The following FGF14 variants were observed in gnomAD, a reference collection of about 807,000 sequenced individuals.
The protein encoded by FGF14 is fibroblast growth factor homologous factor 4.
Under a neutral mutation model 25.5 loss-of-function variants are expected in FGF14, and 5 were observed. That is an observed-to-expected ratio of 0.20 (90% confidence interval 0.10 to 0.41). The LOEUF (loss-of-function observed/expected upper bound fraction) is 0.41, where lower values mean the gene tolerates loss of function less well. FGF14 is among the 10% of genes least tolerant of loss of function. FGF14 has a pLI of 1.00. For synonymous variants in FGF14, 138 were observed against 118.3 expected (o/e 1.17, Z -1.08); for missense variants, 222 against 320.1 (o/e 0.69, Z 2.34).
chr13:102,256,225 C>T (rs2052429799), intron 1 of FGF14, among the ~76,000 whole-genome samples: 1 of 152,050 alleles, frequency 6.6e-6, no homozygotes, highest in Non-Finnish European at 1.5e-5. Context: ...AAGTAGCTAA[C>T]ATGCCAGGCA....
rs537777782 is a variant in FGF14 at position 102,136,177 on chromosome 13, T to C, written c.209-260881A>G. Among the ~76,000 whole-genome samples, 40 of 152,248 alleles carry C rather than the reference T, an allele frequency of 2.6e-4. 1 individual carries two copies. Among genetic ancestry groups the C allele is most frequent in the African/African-American group, 9.6e-4 (40 of 41,538 alleles). On this transcript the variant is annotated intron_variant, in intron 1 of 4. Transcript: ENST00000376131. ...TTACACCTTAACAATAAAAATATTA[T>C]TCATATCTAGAATGCAAACACTGAT...
chr13:102,217,489 C>A lies in FGF14; in HGVS notation c.208+183982G>T, dbSNP rs184141847. ...CTCAATTTACTATTAGCTAAAAAAT[C>A]ATTTTTATATTTTAAAAGATCATTT... On this transcript the variant is annotated intron_variant, in intron 1 of 4. Coordinates refer to the FGF14 transcript ENST00000376131. Among the ~76,000 whole-genome samples the A allele has an allele frequency of 1.2e-4, 19 of 152,196 alleles. No individual in the cohort carries two copies. The East Asian group carries it at 3.3e-3, about 26-fold the overall frequency.
chr13:102,044,594 A>G (rs1319645403), intron 1 of FGF14, among the ~76,000 whole-genome samples: 1 of 152,168 alleles, frequency 6.6e-6, no homozygotes, highest in Non-Finnish European at 1.5e-5. Flanking sequence ...GATACTCTGA[A>G]GCATTAAGTT....
intron 1 of FGF14, among the ~76,000 whole-genome samples, chr13:101,977,333 T>C (rs564959701): frequency 6.6e-6 from 1 of 151,824 alleles, no homozygotes; most frequent in Non-Finnish European, 1.5e-5. Context: ...TGAGTTGCAG[T>C]GAAAAAAAAA....
Position 102,151,466 on chromosome 13 carries a change from C to T in FGF14, c.208+250005G>A, listed in dbSNP as rs114645900. Among the ~76,000 whole-genome samples, 1,462 of 152,176 alleles carry T rather than the reference C, an allele frequency of 9.6e-3. 23 individuals carry two copies. Among genetic ancestry groups the T allele is most frequent in the African/African-American group, 0.034 (1,392 of 41,526 alleles). ...CTTAACATCTATACTAATGTCAAAT[C>T]GTATGCTGAGGATGAGATACCTTCA... On this transcript the variant is annotated intron_variant, in intron 1 of 4. Coordinates refer to the FGF14 transcript ENST00000376131.
Position 101,715,004 on chromosome 13 carries a change from A to C in FGF14, c.*7827T>G, listed in dbSNP as rs1164789004. On this transcript the variant is annotated 3_prime_UTR_variant, in exon 5 of 5. Coordinates refer to ENST00000376143, the MANE Select transcript of FGF14 (RefSeq NM_004115.4). ...GGTATAAAGAGGGCTCAGCCGTGTC[A>C]TAGCCACTGCTATCCTAATTTATTG... 1 of 168,990 alleles carries C rather than the reference A, an allele frequency of 5.9e-6. No homozygotes were observed. Among genetic ancestry groups the C allele is most frequent in the Non-Finnish European group, 1.3e-5 (1 of 78,530 alleles). The allele number at this position is 168,990 out of a possible 1,614,324, so 10.5% of individuals were successfully genotyped here.
In FGF14 at chr13:101,826,093, C is replaced by T. The variant is rs143458177; in HGVS notation, c.408+42632G>A. 4.2e-3 allele frequency among the ~76,000 whole-genome samples: 637 copies of T among 152,134 alleles called. 11 individuals carry two copies. The highest frequency in any genetic ancestry group is 0.03 in the Admixed American group (462 of 15,282). On this transcript the variant is annotated intron_variant, in intron 3 of 4. Coordinates refer to ENST00000376143, the MANE Select transcript of FGF14 (RefSeq NM_004115.4). ...GTAACTTTTATCTATCATTTTAAGC[C>T]TCTATTGCCTTTGGAAGGGAAGTAG... is the stretch of plus-strand genomic sequence containing the variant.
chr13:102,074,186 A>T (rs965524348), intron 1 of FGF14, among the ~76,000 whole-genome samples: 20 of 151,974 alleles, frequency 1.3e-4, no homozygotes, highest in East Asian at 5.8e-4. Context: ...ATTTTAAAAA[A>T]TTTTTTTTGT....
At chr13:101,792,664 A>G (rs1247043598) in intron 3 of FGF14, among the ~76,000 whole-genome samples, 2 of 152,108 alleles carry the variant, frequency 1.3e-5, no homozygotes, top group South Asian at 2.1e-4. Context: ...GTGCACAAGT[A>G]TTTTCTTTGC....
chr13:102,312,117 A>G (rs929416977), intron 1 of FGF14, among the ~76,000 whole-genome samples: 2 of 151,388 alleles, frequency 1.3e-5, no homozygotes, highest in Admixed American at 6.6e-5. Flanking sequence ...AAAGTATTCC[A>G]TTCTCTTTAA....
chr13:101,734,645 A>G (rs2036049881), intron 3 of FGF14, among the ~76,000 whole-genome samples: 1 of 152,132 alleles, frequency 6.6e-6, no homozygotes, highest in African/African-American at 2.4e-5. Context: ...AATAATAATG[A>G]TGTTAATAAC....
chr13:102,280,219 G>T (rs886077590), intron 1 of FGF14, among the ~76,000 whole-genome samples: 1 of 152,100 alleles, frequency 6.6e-6, no homozygotes, highest in African/African-American at 2.4e-5. Flanking sequence ...AGCTACTAAA[G>T]AATAAATAGC....
chr13:101,852,359 G>A (rs749424981), intron 3 of FGF14, among the ~76,000 whole-genome samples: 15 of 151,982 alleles, frequency 9.9e-5, no homozygotes, highest in Non-Finnish European at 2.2e-4. Context: ...TATTTCTAAT[G>A]GTAGAATTTT....
intron 1 of FGF14, among the ~76,000 whole-genome samples, chr13:102,025,540 C>G (rs1325539113): frequency 6.6e-6 from 1 of 151,946 alleles, no homozygotes; most frequent in African/African-American, 2.4e-5. Context: ...TTCTGAGTAG[C>G]TGGGACTACA....
At chr13:101,892,329 A>G (rs1323193) in intron 1 of FGF14, among the ~76,000 whole-genome samples, 45,369 of 151,734 alleles carry the variant, frequency 0.3, 7,162 homozygotes, top group East Asian at 0.45. Flanking sequence ...TTAGAAACAA[A>G]CAAAAAAATA....
chr13:101,950,840 A>C (rs978245327), intron 1 of FGF14, among the ~76,000 whole-genome samples: 2 of 147,452 alleles, frequency 1.4e-5, no homozygotes, highest in South Asian at 2.2e-4. Context: ...ATGGTAGTTC[A>C]AGTGGTCAAA....
intron 1 of FGF14, among the ~76,000 whole-genome samples, chr13:102,181,783 C>T (rs1254593948): frequency 6.6e-6 from 1 of 152,106 alleles, no homozygotes; most frequent in Non-Finnish European, 1.5e-5. Context: ...TAACCTTAAT[C>T]ACATCTGCCA....
At chr13:101,888,500 TA>T (rs1163211486) in intron 1 of FGF14, among the ~76,000 whole-genome samples, 1 of 152,168 alleles carries the variant, frequency 6.6e-6, no homozygotes, top group African/African-American at 2.4e-5. Flanking sequence ...GGAGGCTTTT[TA>T]AAAAATTATG....
At chr13:102,292,512 A>G (rs551960390) in intron 1 of FGF14, 3 of 152,262 alleles carry the variant, frequency 2.0e-5, no homozygotes, top group Non-Finnish European at 2.9e-5. Context: ...GGGCTCTCGC[A>G]TATATCTACT....
Sources: allele counts gnomAD v4.1 joint callset (sites outside exome capture counted in the v4.1 genomes callset), GRCh38; gene constraint gnomAD v4.1.1; transcripts MANE v1.5; gene names NCBI Gene and HGNC (gene_info 2026-07-23, HGNC 2026-07-21).